VCAN: variants seen among roughly 807,000 people sequenced by gnomAD.
VCAN encodes versican core protein.
Under a neutral mutation model 245.5 loss-of-function variants are expected in VCAN, and 44 were observed. The ratio of observed to expected loss-of-function variants is 0.18; its 90% CI spans 0.14 to 0.23. The LOEUF is 0.23. Among genes scored for constraint, VCAN ranks in the 10% least tolerant of loss-of-function variants. The probability of loss-of-function intolerance (pLI) is 1.00; values close to 1 mark genes in which losing one functional copy is unlikely to be tolerated. For synonymous variants in VCAN, 1,413 were observed against 1,437.0 expected (o/e 0.98, Z 0.38); for missense variants, 3,793 against 4,057.9 (o/e 0.93, Z 1.77).
chr5:83,567,901 C>T (rs1199701763), intron 12 of VCAN, among the ~76,000 whole-genome samples: 1 of 152,148 alleles, frequency 6.6e-6, no homozygotes, highest in African/African-American at 2.4e-5. Context: ...CAAGATAGAT[C>T]GCTCAGGATG....
At chr5:83,551,199 T>G (rs1189673661) in intron 10 of VCAN, among the ~76,000 whole-genome samples, 1 of 151,992 alleles carries the variant, frequency 6.6e-6, no homozygotes, top group African/African-American at 2.4e-5. Flanking sequence ...GAAAAATACT[T>G]AATGATAAAC....
At chr5:83,508,988 C>T (rs1219593290) in intron 5 of VCAN, among the ~76,000 whole-genome samples, 2 of 151,450 alleles carry the variant, frequency 1.3e-5, no homozygotes, top group Non-Finnish European at 2.9e-5. Context: ...TGAATAGCCA[C>T]TGCACTCCTG....
intron 8 of VCAN, among the ~76,000 whole-genome samples, chr5:83,544,737 A>G (rs1747141129): frequency 6.6e-6 from 1 of 152,214 alleles, no homozygotes; most frequent in South Asian, 2.1e-4. Context: ...TATATGCTTC[A>G]AGTGGTGTAA....
intron 7 of VCAN, among the ~76,000 whole-genome samples, chr5:83,522,574 A>C (rs1375328430): frequency 1.3e-5 from 2 of 152,248 alleles, no homozygotes; most frequent in African/African-American, 4.8e-5. Context: ...TCACTGTTAC[A>C]TCACTTCAAA....
intron 6 of VCAN, among the ~76,000 whole-genome samples, chr5:83,513,331 G>A (rs553455015): frequency 1.6e-3 from 246 of 152,278 alleles, no homozygotes; most frequent in African/African-American, 5.8e-3. Flanking sequence ...AATTTCCAAT[G>A]TATCTTGTTA....
At chr5:83,510,878 G>T (rs1214036086) in intron 5 of VCAN, among the ~76,000 whole-genome samples, 1 of 152,146 alleles carries the variant, frequency 6.6e-6, no homozygotes, top group Non-Finnish European at 1.5e-5. Context: ...CACTTTGGGA[G>T]GCCGAGGCGG....
chr5:83,524,979 A>G (rs1746237996), intron 7 of VCAN, among the ~76,000 whole-genome samples: 1 of 150,764 alleles, frequency 6.6e-6, no homozygotes, highest in African/African-American at 2.4e-5. Context: ...CAAAAATACC[A>G]CCCATGCTAT....
intron 8 of VCAN, 132 bp downstream of exon 8, chr5:83,542,400 G>T (rs1482222560): frequency 1.0e-6 from 1 of 983,492 alleles, no homozygotes; most frequent in South Asian, 1.4e-5. Flanking sequence ...ATAACAGCAG[G>T]CCAGGCCACA....
chr5:83,475,146 T>C (rs897343015), intron 1 of VCAN, among the ~76,000 whole-genome samples: 9 of 152,090 alleles, frequency 5.9e-5, no homozygotes, highest in African/African-American at 2.2e-4. Context: ...GGGGCAAACA[T>C]GGAAGGGCTG....
chr5:83,538,103 G>T lies in VCAN; in HGVS notation c.5100G>T (p.Val1700=), dbSNP rs540218887. 1 of 1,614,018 alleles carries T rather than the reference G, an allele frequency of 6.2e-7. No individual in the cohort carries two copies. Among genetic ancestry groups the T allele is most frequent in the South Asian group, 1.1e-5 (1 of 91,076 alleles). Residue 1700 remains valine, a synonymous_variant, in exon 8 of 15, where the codon GTG becomes GTT. Transcript: ENST00000265077. ...TTTCTGAACAACCTTCTGCAAAAGT[G>T]GTGCCTACCAAGTTTGTAAGTGAAA... is the stretch of plus-strand genomic sequence containing the variant. ...YPVSEQPSAK[V]VPTKFVSETD... is the part of the protein sequence containing the mutation.
At chr5:83,543,973 A>G (rs1269003168) in intron 8 of VCAN, among the ~76,000 whole-genome samples, 1 of 152,214 alleles carries the variant, frequency 6.6e-6, no homozygotes, top group African/African-American at 2.4e-5. Context: ...AGTTCACAGG[A>G]AGACTCACTC....
chr5:83,525,990 A>C (rs1292134596), intron 7 of VCAN, among the ~76,000 whole-genome samples: 1 of 151,376 alleles, frequency 6.6e-6, no homozygotes, highest in Non-Finnish European at 1.5e-5. Flanking sequence ...CCCAGGCTGG[A>C]GTACAGTGGA....
At chr5:83,484,513 A>ATCCT (rs1308994538) in intron 2 of VCAN, among the ~76,000 whole-genome samples, 3 of 52,476 alleles carry the variant, frequency 5.7e-5, no homozygotes, top group Non-Finnish European at 1.2e-4. Context: ...CCATCCTTCC[A>ATCCT]TCCATCCATC....
At chr5:83,573,224 C>T (rs1193297278) in intron 13 of VCAN, among the ~76,000 whole-genome samples, 4 of 152,022 alleles carry the variant, frequency 2.6e-5, no homozygotes, top group Non-Finnish European at 5.9e-5. Context: ...TTGATGAGAA[C>T]ATTACAAAAT....
intron 7 of VCAN, among the ~76,000 whole-genome samples, chr5:83,526,913 T>C (rs998862609): frequency 6.6e-6 from 1 of 152,226 alleles, no homozygotes; most frequent in Non-Finnish European, 1.5e-5. Context: ...ACTTCAAAGA[T>C]AATTTGTGAG....
Position 83,537,349 on chromosome 5 carries a change from G to C in VCAN, c.4346G>C (p.Ser1449Thr). Reference protein sequence around the residue: ...PSQNFSDSSESDTHPFVIAKT... With the variant: ...PSQNFSDSSETDTHPFVIAKT... The stretch of plus-strand genomic sequence containing the variant: ...CAGAATTTCTCGGACAGCTCTGAAA[G>C]TGATACTCATCCATTTGTAATAGCC... Residue 1449 changes from serine to threonine, a missense_variant, in exon 8 of 15, where the codon AGT (serine) becomes ACT (threonine). Coordinates refer to ENST00000265077, the MANE Select transcript of VCAN (RefSeq NM_004385.5). 6.2e-7 allele frequency: 1 copy of C among 1,614,028 alleles called. No homozygotes were observed.
In VCAN at chr5:83,540,264, C is replaced by G. The variant is rs1337556528; in HGVS notation, c.7261C>G (p.Pro2421Ala). ...AKEFVTSAPKPSDLYYEPSGE... is the reference protein window; with the variant it reads ...AKEFVTSAPKASDLYYEPSGE... ...AGAATTTGTTACATCAGCACCAAAA[C>G]CATCTGACTTGTATTATGAACCTTC... is the stretch of plus-strand genomic sequence containing the variant. Residue 2421 changes from proline to alanine, a missense_variant, in exon 8 of 15, where the codon CCA (proline) becomes GCA (alanine). Around this residue, in one of 5 missense-constraint regions of VCAN, gnomAD observed 3,182 missense variants for 3,250.3 expected, o/e 0.98. Transcript: ENST00000265077. 1.2e-6 allele frequency: 2 copies of G among 1,614,072 alleles called. No homozygotes were observed. The highest frequency in any genetic ancestry group is 1.7e-6 in the Non-Finnish European group (2 of 1,179,974).
At chr5:83,570,091 T>C (rs1002346513) in intron 12 of VCAN, among the ~76,000 whole-genome samples, 1 of 152,058 alleles carries the variant, frequency 6.6e-6, no homozygotes, top group Non-Finnish European at 1.5e-5. Context: ...GAGTTCCTGG[T>C]TGCAGGGAGA....
At chr5:83,511,806 T>C (rs1458126129) in intron 5 of VCAN, among the ~76,000 whole-genome samples, 1 of 152,220 alleles carries the variant, frequency 6.6e-6, no homozygotes, top group African/African-American at 2.4e-5. Flanking sequence ...AAGGATTTGT[T>C]CATTTTAAAG....
Sources: gnomAD v4.1 joint callset for allele counts (sites outside exome capture counted in the v4.1 genomes callset) on GRCh38, gnomAD v4.1.1 for gene constraint, gnomAD v4.1.1 regional missense constraint, MANE v1.5 for transcripts, NCBI Gene and HGNC (gene_info 2026-07-23, HGNC 2026-07-21) for gene names.